Variants in FRMPD4 observed in about 807,000 individuals in gnomAD.
FRMPD4 encodes FERM and PDZ domain-containing protein 4.
FRMPD4 carries 22 observed loss-of-function variants against 94.1 expected under a neutral mutation model. That is an observed-to-expected ratio of 0.23 (90% CI 0.17 to 0.33). FRMPD4 has a LOEUF of 0.33. Ranked by LOEUF, FRMPD4 falls within the 10% of genes least tolerant of loss-of-function variation. The pLI, the probability that FRMPD4 is intolerant of heterozygous loss-of-function variation, is 1.00. For missense variants in FRMPD4, 1,111 were observed against 1,339.9 expected, an observed-to-expected ratio of 0.83 and a Z score of 2.67; for synonymous variants, 631 against 548.6, an observed-to-expected ratio of 1.15 and a Z score of -2.10.
intron 1 of FRMPD4, among the ~76,000 whole-genome samples, chrX:12,378,989 G>T (rs777552026): frequency 2.7e-4 from 30 of 111,531 alleles, no homozygotes; most frequent in Non-Finnish European, 4.3e-4. Flanking sequence ...GGTTCTAATT[G>T]TTTACTTTCC....
chrX:12,158,954 A>G (rs2055979883), intron 1 of FRMPD4, among the ~76,000 whole-genome samples: 1 of 112,297 alleles, frequency 8.9e-6, no homozygotes, highest in Non-Finnish European at 1.9e-5. Context: ...GCTGTTGCAT[A>G]GGAAGTACAC....
chrX:12,058,283 G>A (rs1430018134), intron 3 of FRMPD4, among the ~76,000 whole-genome samples: 1 of 111,561 alleles, frequency 9.0e-6, no homozygotes, highest in Non-Finnish European at 1.9e-5. Flanking sequence ...AGAGGCAATT[G>A]TTTTCTTCTT....
intron 5 of FRMPD4, among the ~76,000 whole-genome samples, chrX:12,675,986 GAACT>G (rs1246979294): frequency 9.0e-6 from 1 of 111,724 alleles, no homozygotes; most frequent in Non-Finnish European, 1.9e-5. Context: ...ACCACAAATA[GAACT>G]AACCAAGACA....
chrX:12,067,868 C>G (rs935644275), intron 3 of FRMPD4, among the ~76,000 whole-genome samples: 3 of 111,681 alleles, frequency 2.7e-5, no homozygotes, highest in African/African-American at 9.8e-5. Flanking sequence ...GAGTAATGGC[C>G]CTGCAGAGGT....
chrX:11,962,760 A>G (rs1441459274), intron 3 of FRMPD4, among the ~76,000 whole-genome samples: 1 of 112,043 alleles, frequency 8.9e-6, no homozygotes, highest in Non-Finnish European at 1.9e-5. Context: ...CAGCTGGCAA[A>G]GCAGACATGT....
chrX:11,873,425 C>T (rs963798035), intron 2 of FRMPD4, among the ~76,000 whole-genome samples: 2 of 110,619 alleles, frequency 1.8e-5, no homozygotes, highest in Non-Finnish European at 3.8e-5. Context: ...GATGAACAAT[C>T]AGAAATTGAA....
intron 1 of FRMPD4, among the ~76,000 whole-genome samples, chrX:12,487,071 G>A (rs936446839): frequency 2.7e-5 from 3 of 112,345 alleles, no homozygotes; most frequent in African/African-American, 9.7e-5. Context: ...AACTATGAAA[G>A]TTATAAAAGA....
intron 1 of FRMPD4, among the ~76,000 whole-genome samples, chrX:12,364,266 G>A (rs1018082627): frequency 9.0e-6 from 1 of 111,362 alleles, no homozygotes; most frequent in African/African-American, 3.3e-5. Context: ...CAAGAGGAGG[G>A]GGTCTATTAC....
chrX:12,291,930 A>G (rs2054696692), intron 1 of FRMPD4, among the ~76,000 whole-genome samples: 7 of 111,929 alleles, frequency 6.3e-5, no homozygotes. Flanking sequence ...AGCACTTGTT[A>G]TTTCACTTCT....
intron 3 of FRMPD4, among the ~76,000 whole-genome samples, chrX:12,108,656 A>G (rs1302863464): frequency 8.9e-6 from 1 of 111,859 alleles, no homozygotes; most frequent in Non-Finnish European, 1.9e-5. Context: ...AAGACCCATC[A>G]GTGTGCTGTA....
intron 3 of FRMPD4, among the ~76,000 whole-genome samples, chrX:11,993,099 C>T (rs755730860): frequency 6.4e-5 from 7 of 109,537 alleles, no homozygotes; most frequent in Non-Finnish European, 1.3e-4. Context: ...TTACCAAACA[C>T]CTTTTTAACT....
upstream of FRMPD4, among the ~76,000 whole-genome samples, chrX:12,133,742 AGCT>A (rs1419702544): frequency 8.9e-6 from 1 of 112,057 alleles, no homozygotes; most frequent in Non-Finnish European, 1.9e-5. Flanking sequence ...GTCCTCTCTG[AGCT>A]GCTGCCAGCT....
chrX:12,508,946 C>T (rs1329071911), intron 2 of FRMPD4, among the ~76,000 whole-genome samples: 4 of 95,502 alleles, frequency 4.2e-5, no homozygotes, highest in African/African-American at 1.6e-4. Flanking sequence ...GAGCTGAGAT[C>T]GCACCATTGC....
intron 2 of FRMPD4, among the ~76,000 whole-genome samples, chrX:12,514,235 C>A (rs2058073596): frequency 9.0e-6 from 1 of 111,010 alleles, no homozygotes; most frequent in African/African-American, 3.3e-5. Context: ...ATTGCCCTGG[C>A]CAGAACTTCC....
At position 11,930,724 on chromosome X, in the gene FRMPD4, G is replaced by A. The variant is rs145945823; in HGVS notation, c.95+52706G>A. Among the ~76,000 whole-genome samples the A allele has an allele frequency of 3.5e-3, 388 of 112,184 alleles. 1 individual carries two copies. Among genetic ancestry groups the A allele is most frequent in the Non-Finnish European group, 5.3e-3 (280 of 53,232 alleles). ...TGAATCTGATTCTCTCTGTCTTGCT[G>A]AGGAGATTGTACAGCATCCAGAAAG... On this transcript the variant is annotated intron_variant, in intron 3 of 18. Coordinates refer to the FRMPD4 transcript ENST00000640291.
intron 3 of FRMPD4, among the ~76,000 whole-genome samples, chrX:11,991,746 A>G: frequency 8.9e-6 from 1 of 112,292 alleles, no homozygotes; most frequent in Non-Finnish European, 1.9e-5. Flanking sequence ...AAAACATTTA[A>G]TAAACTAAGA....
chrX:12,605,881 T>C (rs1412914621), intron 2 of FRMPD4, among the ~76,000 whole-genome samples: 1 of 111,846 alleles, frequency 8.9e-6, no homozygotes, highest in Non-Finnish European at 1.9e-5. Flanking sequence ...GGCTCTTCCA[T>C]CTATTTTACT....
At chrX:12,048,578 A>G (rs762219420) in intron 3 of FRMPD4, among the ~76,000 whole-genome samples, 2 of 111,687 alleles carry the variant, frequency 1.8e-5, no homozygotes, top group Non-Finnish European at 3.8e-5. Flanking sequence ...ATGACCAGAA[A>G]GGTGTTTCCA....
chrX:12,023,675 A>G lies in FRMPD4; in HGVS notation c.95+145657A>G, dbSNP rs185404646. ...TTGGATGACTCTTTGCCAGTAATGG[A>G]CACGGGGCACTTGGAGAAATGTTCT... On this transcript the variant is annotated intron_variant, in intron 3 of 18. Transcript: ENST00000640291. Among the ~76,000 whole-genome samples, 448 of 111,842 alleles carry G rather than the reference A, an allele frequency of 4.0e-3. 4 individuals carry two copies. Among genetic ancestry groups the G allele is most frequent in the Admixed American group, 0.037 (387 of 10,509 alleles).
Sources: gnomAD v4.1 joint callset for allele counts (sites outside exome capture counted in the v4.1 genomes callset) on GRCh38, gnomAD v4.1.1 for gene constraint, MANE v1.5 for transcripts, NCBI Gene and HGNC (gene_info 2026-07-23, HGNC 2026-07-21) for gene names.